The following IGSF22 variants were observed in gnomAD, a reference collection of about 807,000 sequenced individuals.
IGSF22 encodes the protein immunoglobulin superfamily member 22, also known as immunoglobulin superfamily, member 22.
IGSF22 carries 119 observed loss-of-function variants against 127.0 expected under a neutral mutation model. The ratio of observed to expected loss-of-function variants is 0.94; its 90% CI spans 0.81 to 1.09. The LOEUF is 1.09. IGSF22 is among the 50% of genes least tolerant of loss of function. The probability of loss-of-function intolerance (pLI) is 0.00; values close to 1 mark genes in which losing one functional copy is unlikely to be tolerated. For synonymous variants in IGSF22, 568 were observed against 664.7 expected (o/e 0.85, Z 2.24); for missense variants, 1,518 against 1,716.6 (o/e 0.88, Z 2.04).
At chr11:18,722,077 G>T in intron 2 of IGSF22, 36 bp from the exon 3 acceptor site, 1 of 1,610,950 alleles carries the variant, frequency 6.2e-7, no homozygotes. Context: ...ATGGGCTCCA[G>T]GTAGAAGCCC....
intron 2 of IGSF22, 75 bp downstream of exon 2, chr11:18,724,053 G>T (rs902799898): frequency 1.1e-5 from 13 of 1,222,194 alleles, no homozygotes; most frequent in Non-Finnish European, 1.5e-5. Flanking sequence ...GGCAAAACTG[G>T]GGCCACCCAA....
In IGSF22 at chr11:18,706,947, A is replaced by T; in HGVS notation, c.3547T>A (p.Ser1183Thr). The T allele has an allele frequency of 6.6e-7, 1 of 1,525,304 alleles. No individual in the cohort carries two copies. The highest frequency in any genetic ancestry group is 8.8e-7 in the Non-Finnish European group (1 of 1,132,596). The allele number at this position is 1,525,304 out of a possible 1,614,324, so 94.5% of individuals were successfully genotyped here. A position where few individuals can be genotyped will look rare whatever the true frequency, so the allele number is the denominator to read the frequency against. The change falls in exon 21 of 23, where the codon TCC (serine) becomes ACC (threonine). Residue 1183 changes from serine (S) to threonine (T), a missense_variant. By Grantham distance (58) the Ser-to-Thr change is moderately conservative. Coordinates refer to ENST00000513874, the MANE Select transcript of IGSF22 (RefSeq NM_173588.4). ...TTATTGATGAGCCAGGTGTCCCTGGAGTCAAGTGGCTCACTGTCACCGATT... is the reference window on the plus strand; with the variant it reads ...TTATTGATGAGCCAGGTGTCCCTGGTGTCAAGTGGCTCACTGTCACCGATT... ...NEIGDSEPLD[S>T]RDTWLINKDQ...
chr11:18,715,117 G>T (rs1019989418), intron 11 of IGSF22, among the ~76,000 whole-genome samples: 1 of 151,902 alleles, frequency 6.6e-6, no homozygotes, highest in Admixed American at 6.6e-5. Context: ...GGAGATGGTC[G>T]GGATCAAGAC....
chr11:18,712,481 C>G, intron 14 of IGSF22, 97 bp from the exon 15 acceptor site: 1 of 1,161,666 alleles, frequency 8.6e-7, no homozygotes, highest in Non-Finnish European at 1.2e-6. Context: ...TAGGGTATAG[C>G]TGGATTTTGA....
intron 11 of IGSF22, among the ~76,000 whole-genome samples, chr11:18,715,124 A>C (rs1848437135): frequency 6.6e-6 from 1 of 151,990 alleles, no homozygotes; most frequent in African/African-American, 2.4e-5. Context: ...GTCGGGATCA[A>C]GACGTCTGGG....
chr11:18,715,407 T>A (rs1396874189), intron 11 of IGSF22, 25 bp downstream of exon 11: 1 of 1,593,940 alleles, frequency 6.3e-7, no homozygotes, highest in African/African-American at 1.3e-5. Context: ...GATTGGTCAG[T>A]GGGGATTGAT....
In IGSF22 at chr11:18,707,907, C is replaced by G. The variant is rs1290565436; in HGVS notation, c.3177G>C (p.Gln1059His). 6 of 1,614,042 alleles carry G rather than the reference C, an allele frequency of 3.7e-6. No homozygotes were observed. In the East Asian group the frequency reaches 6.7e-5, roughly 18 times the overall value. Residue 1059 changes from glutamine (Q) to histidine (H), a missense_variant, in exon 20 of 23, where the codon CAG (glutamine) becomes CAC (histidine). Physicochemically the swap from Gln to His is conservative, Grantham distance 24. This residue lies in a region of IGSF22 where 1,456 missense variants were observed against 1,644.9 expected (regional missense o/e 0.89). Coordinates refer to ENST00000513874, the MANE Select transcript of IGSF22 (RefSeq NM_173588.4). ...AGCGCTTGGTGCTATTAATGAGGAA[C>G]TGGGAGTGGTTTTTGCTCTTGGTAA... ...ETITKSKNHSQFLINSTKRSD... is the reference protein window; with the variant it reads ...ETITKSKNHSHFLINSTKRSD...
At chr11:18,724,292 G>A (rs1348366573) in intron 1 of IGSF22, 23 bp from the exon 2 acceptor site, 1 of 1,260,904 alleles carries the variant, frequency 7.9e-7, no homozygotes, top group Non-Finnish European at 1.2e-6. Context: ...ATGAGGCCAT[G>A]AAGGACAAGA....
Position 18,712,261 on chromosome 11 carries a change from C to T in IGSF22, c.2219G>A (p.Arg740Gln), listed in dbSNP as rs200656412. The change falls in exon 15 of 23, where the codon CGG (arginine) becomes CAG (glutamine). Residue 740 changes from arginine to glutamine, a missense_variant. By Grantham distance (43) the Arg-to-Gln change is conservative (BLOSUM62 1). Transcript: ENST00000513874. ...GRPVTQFIVE[R>Q]RAVGKKSWIK... ...CCAGGACTTCTTGCCAACTGCCCTCCGTTCCACTATGAACTGTGTCACAGG... is the reference window on the plus strand; with the variant it reads ...CCAGGACTTCTTGCCAACTGCCCTCTGTTCCACTATGAACTGTGTCACAGG... 127 of 1,551,766 alleles carry T rather than the reference C, an allele frequency of 8.2e-5. 1 individual carries two copies. In the East Asian group the frequency reaches 1.6e-3, roughly 20 times the overall value.
intron 21 of IGSF22, chr11:18,706,395 C>A: frequency 1.8e-6 from 1 of 543,482 alleles, no homozygotes; most frequent in Non-Finnish European, 3.3e-6. Flanking sequence ...TCCCACACCC[C>A]TGGGGCCGAG....
In IGSF22 at chr11:18,722,780, C is replaced by G. The variant is rs554004992; in HGVS notation, c.110-739G>C. Among the ~76,000 whole-genome samples, 25 of 152,284 alleles carry G rather than the reference C, an allele frequency of 1.6e-4. 1 individual carries two copies. The South Asian group carries it at 5.0e-3, about 30-fold the overall frequency. ...TGATTTTATTCCATCTTCACAGCAT[C>G]CCACTGAAGTAGGTGCCTTTATTAT... On this transcript the variant is annotated intron_variant, in intron 2 of 22. Transcript: ENST00000513874.
In IGSF22 at chr11:18,716,654, A is replaced by G; in HGVS notation, c.1246+74T>C. The G allele has an allele frequency of 2.7e-6, 4 of 1,464,848 alleles. No homozygotes were observed. The South Asian group carries it at 3.6e-5, about 13-fold the overall frequency. The allele number at this position is 1,464,848 out of a possible 1,614,324, so 90.7% of individuals were successfully genotyped here. A position where few individuals can be genotyped will look rare whatever the true frequency, so the allele number is the denominator to read the frequency against. On this transcript the variant is annotated intron_variant, in intron 10 of 22. Transcript: ENST00000513874. This position sits in a 1 kb window ranked among gnomAD's most constrained non-coding sequence, Gnocchi z 4.5. ...AGGAGATGGATGGATAGATGGATAT[A>G]TAAATGATGACTACCTGCATGGAGG... is the stretch of plus-strand genomic sequence containing the variant.
At position 18,714,442 on chromosome 11, in the gene IGSF22, G is replaced by C. The variant is rs772565684; in HGVS notation, c.1657-24C>G. ...ATCTGGGGGTCAGGGGTGGGCCTGA[G>C]TGTGAGCATAGGCCAGGTCTACCTC... On this transcript the variant is annotated intron_variant, in intron 12 of 22. Coordinates refer to ENST00000513874, the MANE Select transcript of IGSF22 (RefSeq NM_173588.4). 4 of 1,614,162 alleles carry C rather than the reference G, an allele frequency of 2.5e-6. No individual in the cohort carries two copies. The East Asian group carries it at 8.9e-5, about 36-fold the overall frequency.
chr11:18,714,647 G>A (rs1237779657), intron 11 of IGSF22, 23 bp from the exon 12 acceptor site: 9 of 1,612,556 alleles, frequency 5.6e-6, no homozygotes, highest in Admixed American at 3.3e-5. Flanking sequence ...GTGGGCAAGG[G>A]ACTGGCTCAG....
At chr11:18,721,788 G>A (rs887799805) in intron 3 of IGSF22, 117 bp from the exon 4 acceptor site, 3 of 1,584,798 alleles carry the variant, frequency 1.9e-6, no homozygotes, top group Non-Finnish European at 2.6e-6. Context: ...GGCAGGGGAG[G>A]AACCCTCGGC....
In IGSF22 at chr11:18,710,404, C is replaced by T. The variant is rs144833584; in HGVS notation, c.2624G>A (p.Arg875Gln). 175 of 1,614,184 alleles carry T rather than the reference C, an allele frequency of 1.1e-4. 1 individual carries two copies. Among genetic ancestry groups the T allele is most frequent in the Middle Eastern group, 3.3e-4 (2 of 6,060 alleles). ...GLLEDTEYEF[R>Q]VIAVNKAGPG... ...GCCTGCCTTATTTACAGCTATAACT[C>T]GGAATTCATATTCTGTGTCCTCCAG... Residue 875 changes from arginine to glutamine, a missense_variant, in exon 17 of 23, where the codon CGA becomes CAA. Around this residue, in one of 3 missense-constraint regions of IGSF22, gnomAD observed 1,456 missense variants for 1,644.9 expected, o/e 0.89. Transcript: ENST00000513874.
chr11:18,721,633 C>G lies in IGSF22; in HGVS notation c.280G>C (p.Ala94Pro), dbSNP rs10832975. 663,042 of 1,613,988 alleles carry G rather than the reference C, an allele frequency of 0.41. 139,576 individuals carry two copies. Among genetic ancestry groups the G allele is most frequent in the Admixed American group, 0.54 (32,345 of 60,024 alleles). ...CTCTTCCAGGAGATGTGGGGTTTGG[C>G]GTTCCCCTGCACCCGGGCTCGGAAC... Reference protein sequence around the residue: ...AVFRARVQGNAKPHISWKRES... With the variant: ...AVFRARVQGNPKPHISWKRES... Residue 94 changes from alanine (A) to proline (P), a missense_variant, in exon 4 of 23, where the codon GCC becomes CCC. Physicochemically the swap from Ala to Pro is conservative, Grantham distance 27. This residue lies in a region of IGSF22 where 1,456 missense variants were observed against 1,644.9 expected (regional missense o/e 0.89). Transcript: ENST00000513874.
At chr11:18,708,125 C>T in intron 19 of IGSF22, 82 bp downstream of exon 19, 1 of 1,526,850 alleles carries the variant, frequency 6.5e-7, no homozygotes, top group South Asian at 1.2e-5. Context: ...GAGTCAGAGT[C>T]AGAGTCAGAG....
intron 9 of IGSF22, among the ~76,000 whole-genome samples, chr11:18,717,469 C>A (rs1439401046): frequency 2.0e-5 from 3 of 152,142 alleles, no homozygotes. Context: ...TGCTTCATCA[C>A]CCAGGCTAAA....
Sources: gnomAD v4.1 joint callset for allele counts (sites outside exome capture counted in the v4.1 genomes callset) on GRCh38, gnomAD v4.1.1 for gene constraint, gnomAD v4.1.1 regional missense constraint, Gnocchi (gnomAD v3.1) non-coding constraint, MANE v1.5 for transcripts, NCBI Gene and HGNC (gene_info 2026-07-23, HGNC 2026-07-21) for gene names.